PCMT1: variants seen among roughly 807,000 people sequenced by gnomAD.
The protein encoded by PCMT1 is protein-L-isoaspartate(D-aspartate) O-methyltransferase.
PCMT1 carries 9 observed loss-of-function variants against 29.2 expected under a neutral mutation model. The ratio of observed to expected loss-of-function variants is 0.31; its 90% CI spans 0.19 to 0.54. PCMT1 has a LOEUF of 0.54. PCMT1 is among the 20% of genes least tolerant of loss of function. The probability of loss-of-function intolerance (pLI) is 0.95; values close to 1 mark genes in which losing one functional copy is unlikely to be tolerated. For missense variants in PCMT1, 184 were observed against 282.2 expected, an observed-to-expected ratio of 0.65 and a Z score of 2.49; for synonymous variants, 98 against 97.5, an observed-to-expected ratio of 1.00 and a Z score of -0.03.
intron 4 of PCMT1, among the ~76,000 whole-genome samples, chr6:149,791,046 G>A (rs1788346839): frequency 6.6e-6 from 1 of 152,056 alleles, no homozygotes; most frequent in Admixed American, 6.6e-5. Context: ...AGCATGGAGA[G>A]GGGGTCAGGC....
In PCMT1 at chr6:149,761,026, AGT is replaced by A. The variant is rs57501586; in HGVS notation, c.56-10109_56-10108del. Among the ~76,000 whole-genome samples the A allele has an allele frequency of 9.9e-3, 1,473 of 149,542 alleles. 13 individuals are homozygous for A. Among genetic ancestry groups the A allele is most frequent in the African/African-American group, 0.022 (885 of 40,840 alleles). ...GGATTATAGAGGATGCAGGTAAAAA[AGT>A]GTGTGTGTGTGTGTGTGTGTGTGTG... On this transcript the variant is annotated intron_variant, in intron 1 of 7. Transcript: ENST00000464889.
intron 1 of PCMT1, among the ~76,000 whole-genome samples, chr6:149,752,355 G>T (rs955076850): frequency 6.6e-6 from 1 of 151,832 alleles, no homozygotes; most frequent in South Asian, 2.1e-4. Context: ...CCACTACCAC[G>T]CCTGGCTAAT....
intron 3 of PCMT1, among the ~76,000 whole-genome samples, chr6:149,784,550 G>T (rs753298017): frequency 6.6e-6 from 1 of 151,144 alleles, no homozygotes; most frequent in Non-Finnish European, 1.5e-5. Context: ...AGCTCACTGC[G>T]GCCTGCTGGG....
chr6:149,803,021 C>G (rs1250546870), intron 7 of PCMT1, among the ~76,000 whole-genome samples: 1 of 136,216 alleles, frequency 7.3e-6, no homozygotes, highest in South Asian at 2.3e-4. Context: ...ACACTGCACT[C>G]CAGCCTGGGA....
chr6:149,750,691 A>G (rs1786279165), intron 1 of PCMT1, among the ~76,000 whole-genome samples: 1 of 152,148 alleles, frequency 6.6e-6, no homozygotes, highest in African/African-American at 2.4e-5. Context: ...CAGGGCTACC[A>G]TAGGCTTTAA....
intron 3 of PCMT1, among the ~76,000 whole-genome samples, chr6:149,778,079 G>A (rs917737125): frequency 2.0e-5 from 3 of 151,724 alleles, no homozygotes; most frequent in South Asian, 2.1e-4. Context: ...GTTTCGTCAC[G>A]TTGGCCAGGC....
chr6:149,807,309 TTAAA>T lies in PCMT1; in HGVS notation c.*38-3299_*38-3296del, dbSNP rs1233047999. ...AATAGTTCTTAAGTATTATTTTATT[TTAAA>T]TAAATAATTTATATGTAAAAATATT... On this transcript the variant is annotated intron_variant, in intron 7 of 7. Transcript: ENST00000464889. 3.9e-5 allele frequency among the ~76,000 whole-genome samples: 6 copies of T among 152,242 alleles called. No homozygotes were observed. The East Asian group carries it at 7.7e-4, about 20-fold the overall frequency.
chr6:149,804,492 G>A (rs2115345202), intron 7 of PCMT1, among the ~76,000 whole-genome samples: 1 of 152,134 alleles, frequency 6.6e-6, no homozygotes, highest in East Asian at 1.9e-4. Context: ...CTCTGACCCT[G>A]TTCTTAATTT....
rs777860033 is a variant in PCMT1 at position 149,809,812 on chromosome 6, AT to A, written c.*38-797del. Among the ~76,000 whole-genome samples the A allele has an allele frequency of 2.0e-5, 3 of 151,924 alleles. No individual in the cohort carries two copies. In the South Asian group the frequency reaches 6.2e-4, roughly 32 times the overall value. ...CTCTTTCTATATATACATATATGTA[AT>A]TTTTTTCCTTTTTCTTAAACCACTT... is the stretch of plus-strand genomic sequence containing the variant. On this transcript the variant is annotated intron_variant, in intron 7 of 7. Transcript: ENST00000464889.
intron 1 of PCMT1, among the ~76,000 whole-genome samples, chr6:149,764,322 A>T (rs1380760938): frequency 6.6e-6 from 1 of 152,244 alleles, no homozygotes; most frequent in Non-Finnish European, 1.5e-5. Context: ...GTCAAATGAA[A>T]TAATAATAGT....
chr6:149,806,592 TTTA>T (rs1776021591), intron 7 of PCMT1, among the ~76,000 whole-genome samples: 1 of 152,060 alleles, frequency 6.6e-6, no homozygotes, highest in African/African-American at 2.4e-5. Flanking sequence ...TTTGTTTTGT[TTTA>T]TTTTGTTTTG....
At chr6:149,769,965 C>T (rs184006188) in intron 1 of PCMT1, among the ~76,000 whole-genome samples, 9 of 152,158 alleles carry the variant, frequency 5.9e-5, no homozygotes, top group Admixed American at 2.6e-4. Context: ...CTGAGAAATT[C>T]ACGTCTCCTG....
chr6:149,766,937 G>T (rs1787109222), intron 1 of PCMT1, among the ~76,000 whole-genome samples: 1 of 152,104 alleles, frequency 6.6e-6, no homozygotes, highest in African/African-American at 2.4e-5. Context: ...CAAGCTGAGT[G>T]TGGTGGCTCA....
rs1786877266 is a variant in PCMT1, at chr6:149,762,935, TG to T, written c.56-8226del. On this transcript the variant is annotated intron_variant, in intron 1 of 7. Transcript: ENST00000464889. Reference sequence around the variant, plus strand: ...ATGATATATATATCTATGATATATATGATATATATATCTATGATATGTATAT... The same window carrying T: ...ATGATATATATATCTATGATATATATATATATATATCTATGATATGTATAT... Among the ~76,000 whole-genome samples the T allele has an allele frequency of 5.0e-5, 3 of 59,612 alleles. No homozygotes were observed. In the South Asian group the frequency reaches 1.5e-3, roughly 30 times the overall value. The allele number at this position is 59,612 out of a possible 152,430, so 39.1% of individuals were successfully genotyped here.
At chr6:149,757,612 G>A (rs1178123619) in intron 1 of PCMT1, among the ~76,000 whole-genome samples, 3 of 152,226 alleles carry the variant, frequency 2.0e-5, no homozygotes, top group South Asian at 2.1e-4. Flanking sequence ...GGTCAAACCA[G>A]GACAAATGGG....
At chr6:149,768,612 G>A (rs757820079) in intron 1 of PCMT1, among the ~76,000 whole-genome samples, 2 of 151,254 alleles carry the variant, frequency 1.3e-5, no homozygotes, top group South Asian at 2.1e-4. Context: ...CACCATGCAC[G>A]GCTAGTTTTT....
At chr6:149,750,892 A>G (rs12528279) in intron 1 of PCMT1, among the ~76,000 whole-genome samples, 1 of 151,980 alleles carries the variant, frequency 6.6e-6, no homozygotes, top group African/African-American at 2.4e-5. Context: ...TTATAGCATT[A>G]TTCGCTACTA....
chr6:149,765,467 G>C (rs1393251007), intron 1 of PCMT1, among the ~76,000 whole-genome samples: 1 of 150,290 alleles, frequency 6.7e-6, no homozygotes, highest in Non-Finnish European at 1.5e-5. Flanking sequence ...TTTTCTATTT[G>C]GGTAATTTAT....
intron 5 of PCMT1, 164 bp from the exon 6 acceptor site, chr6:149,796,246 AAAAAT>A (rs548444574): frequency 6.0e-5 from 27 of 446,662 alleles, no homozygotes; most frequent in East Asian, 3.8e-4. Context: ...TGACCAAACA[AAAAAT>A]AAAATAAAAT....
Sources: allele counts gnomAD v4.1 joint callset (sites outside exome capture counted in the v4.1 genomes callset), GRCh38; gene constraint gnomAD v4.1.1; transcripts MANE v1.5; gene names NCBI Gene and HGNC (gene_info 2026-07-23, HGNC 2026-07-21).